The following ROS1 variants were observed in gnomAD, a reference collection of about 807,000 sequenced individuals.
ROS1 encodes ROS proto-oncogene 1, receptor tyrosine kinase.
In ROS1, 263 loss-of-function variants were observed where a neutral mutation model predicts 273.5. The ratio of observed to expected loss-of-function variants is 0.96; its 90% confidence interval spans 0.87 to 1.06. ROS1 has a LOEUF of 1.06. ROS1 is among the 50% of genes least tolerant of loss of function. ROS1 has a pLI of 0.00. For missense variants in ROS1, 2,833 were observed against 2,751.1 expected, an observed-to-expected ratio of 1.03 and a Z score of -0.67; for synonymous variants, 1,008 against 954.1, an observed-to-expected ratio of 1.06 and a Z score of -1.04.
chr6:117,370,468 T>C (rs1005619211), intron 18 of ROS1, among the ~76,000 whole-genome samples: 3 of 152,212 alleles, frequency 2.0e-5, no homozygotes, highest in African/African-American at 7.2e-5. Context: ...AAATGATCTC[T>C]AAATTCTCCC....
At position 117,394,695 on chromosome 6, in the gene ROS1, A is replaced by G; in HGVS notation, c.927T>C (p.Ser309=). 6.2e-7 allele frequency: 1 copy of G among 1,611,864 alleles called. No homozygotes were observed. Among genetic ancestry groups the G allele is most frequent in the Non-Finnish European group, 8.5e-7 (1 of 1,178,948 alleles). ...EQWLFLSRKT[S]LRKRSLKHLV... ...AATGTTTTAAAGATCTCTTTCTTAG[A>G]GAAGTTTTTCTGGATAAAAAGAGCC... The change falls in exon 10 of 44, where the codon TCT becomes TCC. Residue 309 remains serine, a synonymous_variant. Coordinates refer to ENST00000368507, the MANE Select transcript of ROS1 (RefSeq NM_001378902.1).
intron 39 of ROS1, among the ~76,000 whole-genome samples, chr6:117,316,297 T>C (rs1775914398): frequency 9.1e-6 from 1 of 110,152 alleles, no homozygotes; most frequent in Non-Finnish European, 2.2e-5. Flanking sequence ...ACAAGATACA[T>C]GCGGGGCCTG....
chr6:117,322,880 TC>T lies in ROS1; in HGVS notation c.5623+1451del, dbSNP rs373091077. 5.6e-4 allele frequency among the ~76,000 whole-genome samples: 86 copies of T among 152,294 alleles called. 1 individual carries two copies. The East Asian group carries it at 0.015, about 27-fold the overall frequency. Reference sequence around the variant, plus strand: ...CTTTAAGTCCTGAGAAAGTCAGATATCCATAGGATGTCTTGGAAGCACAATA... The same window carrying T: ...CTTTAAGTCCTGAGAAAGTCAGATATCATAGGATGTCTTGGAAGCACAATA... On this transcript the variant is annotated intron_variant, in intron 35 of 43. Coordinates refer to ENST00000368507, the MANE Select transcript of ROS1 (RefSeq NM_001378902.1).
chr6:117,404,186 A>C (rs1266367785), intron 6 of ROS1, 94 bp downstream of exon 6: 1 of 1,170,242 alleles, frequency 8.5e-7, no homozygotes, highest in Non-Finnish European at 1.2e-6. Context: ...GCGCCACTGC[A>C]CTCCAGCCTG....
At chr6:117,337,377 C>G (rs2128617503) in intron 31 of ROS1, 37 bp from the exon 32 acceptor site, 1 of 1,524,912 alleles carries the variant, frequency 6.6e-7, no homozygotes, top group Non-Finnish European at 8.9e-7. Context: ...TTTTGTTTCT[C>G]TAAGAAAATA....
At chr6:117,403,002 C>A in intron 7 of ROS1, 137 bp downstream of exon 7, 1 of 877,810 alleles carries the variant, frequency 1.1e-6, no homozygotes, top group South Asian at 1.6e-5. Context: ...TACTACCTGG[C>A]ACATAGTTAT....
In ROS1 at chr6:117,342,440, T is replaced by C; in HGVS notation, c.4611A>G (p.Leu1537=). ...KNYYSDPLEH[L]PPGKEIWGKT... is the part of the protein sequence containing the mutation. The stretch of plus-strand genomic sequence containing the variant: ...TTCCCCAAATCTCTTTTCCTGGTGG[T>C]AAATGTTCCAAAGGATCTGAATAAT... The change falls in exon 29 of 44, where the codon TTA becomes TTG. Residue 1537 remains leucine, a synonymous_variant. Coordinates refer to ENST00000368507, the MANE Select transcript of ROS1 (RefSeq NM_001378902.1). 5 of 1,611,968 alleles carry C rather than the reference T, an allele frequency of 3.1e-6. No homozygotes were observed. The highest frequency in any genetic ancestry group is 4.2e-6 in the Non-Finnish European group (5 of 1,178,968).
At position 117,418,482 on chromosome 6, in the gene ROS1, G is replaced by A; in HGVS notation, c.148C>T (p.Pro50Ser). ...CTTACCGGTTCACTCAGATTATGTG[G>A]TGTGCCAAGGTCAAGCTGCTGGCCC... is the stretch of plus-strand genomic sequence containing the variant. ...NLGQQLDLGT[P>S]HNLSEPCIQG... The change falls in exon 2 of 44, where the codon CCA becomes TCA. Residue 50 changes from proline (P) to serine (S), a missense_variant. Physicochemically the swap from Pro to Ser is moderately conservative, Grantham distance 74 (BLOSUM62 -1). Coordinates refer to ENST00000368507, the MANE Select transcript of ROS1 (RefSeq NM_001378902.1). 1 of 1,601,788 alleles carries A rather than the reference G, an allele frequency of 6.2e-7. No homozygotes were observed. Among genetic ancestry groups the A allele is most frequent in the Admixed American group, 1.8e-5 (1 of 56,984 alleles).
At chr6:117,372,020 G>GGGGCT (rs545426684) in intron 18 of ROS1, among the ~76,000 whole-genome samples, 456 of 152,186 alleles carry the variant, frequency 3.0e-3, no homozygotes, top group Non-Finnish European at 5.0e-3. Context: ...TACTCTCTTG[G>GGGGCT]GGGCTCTATA....
intron 29 of ROS1, 41 bp from the exon 30 acceptor site, chr6:117,341,673 G>T (rs1562291268): frequency 6.9e-7 from 1 of 1,456,818 alleles, no homozygotes; most frequent in Non-Finnish European, 9.6e-7. Context: ...TGCTGCAATA[G>T]CACTGAAAGA....
intron 4 of ROS1, among the ~76,000 whole-genome samples, chr6:117,412,172 A>C (rs1243068183): frequency 1.3e-5 from 2 of 152,170 alleles, no homozygotes; most frequent in Non-Finnish European, 2.9e-5. Flanking sequence ...CAGGCAGTGG[A>C]GCTGGTAGAC....
rs1417503410 is a variant in ROS1, at chr6:117,341,300, G to T, written c.4896C>A (p.Cys1632Ter). Residue 1632 changes from cysteine to a stop codon, truncating the protein, a stop_gained, in exon 31 of 44, where the codon TGC becomes TGA. Transcript: ENST00000368507. LOFTEE classifies it high-confidence loss of function. ...CTGTACACCACATTTCCTCAGAGTG[G>T]CAGGCAAGAACCTTTTGGTAAAAAA... ...GNIYVLKVLA[C>*]HSEEMWCTES... 3 of 1,612,898 alleles carry T rather than the reference G, an allele frequency of 1.9e-6. No homozygotes were observed. Among genetic ancestry groups the T allele is most frequent in the Non-Finnish European group, 2.5e-6 (3 of 1,179,490 alleles).
chr6:117,308,247 G>A (rs1775259964), intron 42 of ROS1, among the ~76,000 whole-genome samples: 1 of 152,050 alleles, frequency 6.6e-6, no homozygotes, highest in Non-Finnish European at 1.5e-5. Flanking sequence ...ATAATGGCCA[G>A]GATTCGCTAA....
At chr6:117,322,039 A>G (rs925866356) in intron 35 of ROS1, among the ~76,000 whole-genome samples, 8 of 152,056 alleles carry the variant, frequency 5.3e-5, no homozygotes, top group African/African-American at 1.7e-4. Flanking sequence ...TTTTAATATT[A>G]AAATACAATT....
chr6:117,383,414 T>TGTG lies in ROS1; in HGVS notation c.2383_2384insCAC (p.Tyr795delinsSerHis). 1 of 1,614,002 alleles carries TGTG rather than the reference T, an allele frequency of 6.2e-7. No homozygotes were observed. The highest frequency in any genetic ancestry group is 8.5e-7 in the Non-Finnish European group (1 of 1,179,850). ...TGAATAGAGTGTGGTCCAGTAGAGA[T>TGTG]ATCCACCAACTGAATCCACCACCAT... On this transcript the variant is annotated protein_altering_variant, in exon 17 of 44. Coordinates refer to ENST00000368507, the MANE Select transcript of ROS1 (RefSeq NM_001378902.1).
At position 117,319,947 on chromosome 6, in the gene ROS1, C is replaced by T. The variant is rs752657920; in HGVS notation, c.5843G>A (p.Gly1948Glu). 6.2e-7 allele frequency: 1 copy of T among 1,613,456 alleles called. No homozygotes were observed. The stretch of plus-strand genomic sequence containing the variant: ...TCCTTCATACACTTCTCCAAAGGCT[C>T]CACTTCCCAGCAAGAGACGCAGAGT... ...KLTLRLLLGSGAFGEVYEGTA... is the reference protein window; with the variant it reads ...KLTLRLLLGSEAFGEVYEGTA... Residue 1948 changes from glycine to glutamate, a missense_variant, in exon 37 of 44, where the codon GGA (glycine) becomes GAA (glutamate). Gly to Glu is a moderately conservative substitution (Grantham distance 98, BLOSUM62 -2). Transcript: ENST00000368507.
intron 17 of ROS1, 46 bp downstream of exon 17, chr6:117,383,271 A>C: frequency 8.1e-6 from 11 of 1,353,918 alleles, no homozygotes; most frequent in Non-Finnish European, 9.4e-6. Context: ...TCATAAATAT[A>C]GAGCTATTCA....
intron 26 of ROS1, 121 bp from the exon 27 acceptor site, chr6:117,353,287 ATT>A: frequency 1.5e-6 from 1 of 669,260 alleles, no homozygotes; most frequent in Middle Eastern, 3.9e-4. Context: ...TTATTTCAAC[ATT>A]AAAAAATACC....
chr6:117,335,255 T>A (rs1027730565), intron 32 of ROS1, among the ~76,000 whole-genome samples: 1 of 152,126 alleles, frequency 6.6e-6, no homozygotes, highest in African/African-American at 2.4e-5. Flanking sequence ...ACATCACTGA[T>A]CATCAGAGGA....
Sources: gnomAD v4.1 joint callset for allele counts (sites outside exome capture counted in the v4.1 genomes callset) on GRCh38, gnomAD v4.1.1 for gene constraint, MANE v1.5 for transcripts, NCBI Gene and HGNC (gene_info 2026-07-23, HGNC 2026-07-21) for gene names.